Variants in PCNX2 observed in about 807,000 individuals in gnomAD.
The protein encoded by PCNX2 is pecanex 2.
A neutral mutation model predicts 223.8 loss-of-function variants in PCNX2; 168 were observed. That is an observed-to-expected ratio of 0.75 (90% confidence interval 0.66 to 0.85). PCNX2 has a LOEUF of 0.85. Among genes scored for constraint, PCNX2 ranks in the 40% least tolerant of loss-of-function variants. PCNX2 has a pLI of 0.00. For missense variants in PCNX2, 2,507 were observed against 2,675.5 expected (o/e 0.94, Z 1.39); for synonymous variants, 1,006 against 1,052.6 (o/e 0.96, Z 0.86).
intron 19 of PCNX2, among the ~76,000 whole-genome samples, chr1:233,153,213 G>A (rs1677922726): frequency 6.6e-6 from 1 of 152,202 alleles, no homozygotes; most frequent in South Asian, 2.1e-4. Flanking sequence ...ACTTTGAGCA[G>A]AGGAGCTCTT....
At chr1:233,055,472 C>T (rs1431101512) in intron 24 of PCNX2, among the ~76,000 whole-genome samples, 1 of 152,096 alleles carries the variant, frequency 6.6e-6, no homozygotes, top group East Asian at 1.9e-4. Flanking sequence ...TTCCTATATC[C>T]TCCCTGCTGA....
At chr1:233,308,244 G>A in the PCNX2 span, among the ~76,000 whole-genome samples, 2 of 152,138 alleles carry the variant, frequency 1.3e-5, no homozygotes, top group African/African-American at 2.4e-5. Flanking sequence ...ATCATTTGAG[G>A]TCAGGAGTTT....
At chr1:233,190,010 C>A (rs955948805) in intron 15 of PCNX2, among the ~76,000 whole-genome samples, 2 of 152,150 alleles carry the variant, frequency 1.3e-5, no homozygotes, top group African/African-American at 2.4e-5. Flanking sequence ...ATCAAATTTT[C>A]TTTCCCTAAT....
At chr1:233,312,899 C>A in the PCNX2 span, among the ~76,000 whole-genome samples, 1 of 151,534 alleles carries the variant, frequency 6.6e-6, no homozygotes, top group African/African-American at 2.4e-5. Context: ...ATGAAGAAAA[C>A]CTTAAAATGT....
At chr1:233,004,274 T>C (rs962319583) in intron 28 of PCNX2, among the ~76,000 whole-genome samples, 3 of 152,174 alleles carry the variant, frequency 2.0e-5, no homozygotes, top group African/African-American at 7.2e-5. Context: ...GTGTTCAGGT[T>C]CCTAGGTTTT....
chr1:233,066,887 G>T (rs1672632786), intron 23 of PCNX2, among the ~76,000 whole-genome samples: 1 of 152,042 alleles, frequency 6.6e-6, no homozygotes, highest in Non-Finnish European at 1.5e-5. Context: ...GCCACATGGG[G>T]AGCAGTAATG....
At chr1:233,252,560 G>T (rs185836861) in intron 6 of PCNX2, 61 bp from the exon 7 acceptor site, 1 of 1,583,942 alleles carries the variant, frequency 6.3e-7, no homozygotes, top group East Asian at 2.2e-5. Context: ...CCTTGATAAA[G>T]CATTAAAAGC....
intron 12 of PCNX2, 76 bp downstream of exon 12, chr1:233,217,823 G>A (rs1311390036): frequency 6.5e-7 from 1 of 1,550,062 alleles, no homozygotes; most frequent in African/African-American, 1.4e-5. Context: ...TTGGCCCTTT[G>A]ACTAGATTTT....
intron 12 of PCNX2, among the ~76,000 whole-genome samples, chr1:233,214,235 G>A (rs1267419084): frequency 2.0e-5 from 3 of 152,100 alleles, no homozygotes; most frequent in South Asian, 2.1e-4. Flanking sequence ...GGCCAGATAC[G>A]GTGCTAAACA....
intron 1 of PCNX2, among the ~76,000 whole-genome samples, chr1:233,267,529 A>AC (rs1660404328): frequency 5.1e-5 from 4 of 78,068 alleles, no homozygotes; most frequent in South Asian, 3.9e-4. Context: ...CATTCTCCCC[A>AC]CCCCCCATCC....
chr1:232,998,297 G>T lies in PCNX2; in HGVS notation c.5745C>A (p.Gly1915=). ...AGGATGACACCCCGTGCTGAGCACCGCCTTTTCTGGGCTGTTCTGCGCTGC... is the reference window on the plus strand; with the variant it reads ...AGGATGACACCCCGTGCTGAGCACCTCCTTTTCTGGGCTGTTCTGCGCTGC... The part of the protein sequence containing the change: ...QESSAEQPRK[G]GAQHGVSSCE... Residue 1915 remains glycine (G), a synonymous_variant, in exon 32 of 34, where the codon GGC becomes GGA. Transcript: ENST00000258229. The T allele has an allele frequency of 6.2e-7, 1 of 1,606,640 alleles. No individual in the cohort carries two copies.
chr1:233,063,192 T>C (rs187568118), intron 23 of PCNX2, among the ~76,000 whole-genome samples: 35 of 152,236 alleles, frequency 2.3e-4, no homozygotes, highest in Non-Finnish European at 2.9e-4. Flanking sequence ...GCCAAGATTG[T>C]ACCACTGTAC....
chr1:233,257,745 T>C (rs1365546091), intron 5 of PCNX2, among the ~76,000 whole-genome samples: 1 of 152,212 alleles, frequency 6.6e-6, no homozygotes, highest in African/African-American at 2.4e-5. Context: ...TAAAATATAA[T>C]TGCTTATTTC....
chr1:233,016,800 C>CT (rs1203871699), intron 27 of PCNX2, 121 bp downstream of exon 27: 51 of 1,448,024 alleles, frequency 3.5e-5, no homozygotes, highest in Non-Finnish European at 4.3e-5. Flanking sequence ...CCAAATAGTG[C>CT]TTTTTTTCTA....
chr1:233,064,996 A>C (rs903867588), intron 23 of PCNX2, among the ~76,000 whole-genome samples: 2 of 152,210 alleles, frequency 1.3e-5, no homozygotes, highest in Admixed American at 6.5e-5. Context: ...TTAAGTTAAA[A>C]AACTAAAATT....
At chr1:232,987,253 G>A (rs181095335) in intron 32 of PCNX2, among the ~76,000 whole-genome samples, 24 of 152,322 alleles carry the variant, frequency 1.6e-4, no homozygotes, top group Non-Finnish European at 2.5e-4. Context: ...TGACAAAAGG[G>A]ACTGGACTAC....
At chr1:233,145,607 C>G (rs1030325374) in intron 19 of PCNX2, among the ~76,000 whole-genome samples, 1 of 152,032 alleles carries the variant, frequency 6.6e-6, no homozygotes, top group African/African-American at 2.4e-5. Flanking sequence ...TTCTGGAGAC[C>G]TCAGGCCCCT....
chr1:233,190,002 C>G (rs1407237730), intron 15 of PCNX2, among the ~76,000 whole-genome samples: 1 of 152,138 alleles, frequency 6.6e-6, no homozygotes, highest in Non-Finnish European at 1.5e-5. Context: ...AAAGAGGAAT[C>G]AAATTTTCTT....
the PCNX2 span, among the ~76,000 whole-genome samples, chr1:233,310,898 A>G: frequency 1.3e-5 from 2 of 152,132 alleles, no homozygotes; most frequent in African/African-American, 4.8e-5. Flanking sequence ...TCTTTCTAAC[A>G]ATCAGCTCTC....
Sources: allele counts gnomAD v4.1 joint callset (sites outside exome capture counted in the v4.1 genomes callset), GRCh38; gene constraint gnomAD v4.1.1; transcripts MANE v1.5; gene names NCBI Gene and HGNC (gene_info 2026-07-23, HGNC 2026-07-21).